The following LRFN5 variants were observed in gnomAD, a reference collection of about 807,000 sequenced individuals.
LRFN5 encodes leucine rich repeat and fibronectin type III domain containing 5.
In LRFN5, 24 loss-of-function variants were observed where a neutral mutation model predicts 45.6. The ratio of observed to expected loss-of-function variants is 0.53; its 90% CI spans 0.38 to 0.74. LRFN5 has a LOEUF of 0.74. Ranked by LOEUF, LRFN5 falls within the 30% of genes least tolerant of loss-of-function variation. LRFN5 has a pLI of 0.00. For missense variants in LRFN5, 776 were observed against 861.5 expected, an observed-to-expected ratio of 0.90 and a Z score of 1.24; for synonymous variants, 340 against 313.8, an observed-to-expected ratio of 1.08 and a Z score of -0.88.
At chr14:41,868,713 C>T (rs567370707) in intron 2 of LRFN5, among the ~76,000 whole-genome samples, 1 of 152,148 alleles carries the variant, frequency 6.6e-6, no homozygotes, top group South Asian at 2.1e-4. Flanking sequence ...CATTACTAGT[C>T]TTAGGACACA....
At chr14:41,741,251 A>G (rs1412186595) in intron 1 of LRFN5, among the ~76,000 whole-genome samples, 2 of 151,780 alleles carry the variant, frequency 1.3e-5, no homozygotes, top group Non-Finnish European at 2.9e-5. Context: ...AGCTGAAGCA[A>G]TTGAGCAAAA....
At chr14:41,762,012 C>CT (rs1288237062) in intron 1 of LRFN5, among the ~76,000 whole-genome samples, 3 of 151,612 alleles carry the variant, frequency 2.0e-5, no homozygotes, top group South Asian at 2.1e-4. Context: ...TTTAGCATCT[C>CT]TTTTTTGTAT....
chr14:41,812,317 A>G (rs1479330596), intron 2 of LRFN5, among the ~76,000 whole-genome samples: 1 of 152,016 alleles, frequency 6.6e-6, no homozygotes, highest in Non-Finnish European at 1.5e-5. Context: ...ATTTTTAACT[A>G]GGAATTTCTA....
chr14:41,739,060 G>A (rs1263614068), intron 1 of LRFN5, among the ~76,000 whole-genome samples: 1 of 152,098 alleles, frequency 6.6e-6, no homozygotes, highest in Admixed American at 6.5e-5. Flanking sequence ...AATATCATCT[G>A]TTGTGACTAA....
chr14:41,879,750 T>C (rs907150967), intron 2 of LRFN5, among the ~76,000 whole-genome samples: 7 of 127,958 alleles, frequency 5.5e-5, no homozygotes, highest in African/African-American at 1.9e-4. Flanking sequence ...TTTTCTTCTA[T>C]TAGTAGTTTG....
rs1454105239 is a variant in LRFN5 at position 41,610,684 on chromosome 14, G to A, written c.-197+2122G>A. Among the ~76,000 whole-genome samples, 97 of 35,458 alleles carry A rather than the reference G, an allele frequency of 2.7e-3. 2 individuals carry two copies. The highest frequency in any genetic ancestry group is 0.013 in the Middle Eastern group (1 of 80). 23.3% of individuals were successfully genotyped at this position (35,458 alleles called of 152,430 possible). A position where few individuals can be genotyped will look rare whatever the true frequency, so the allele number is the denominator to read the frequency against. ...GGTAAAAAAAAAAAAAAAAAAAAAA[G>A]TGTATTGCCTGGATTAAATAATGAA... On this transcript the variant is annotated intron_variant, in intron 1 of 5. Transcript: ENST00000298119.
intron 2 of LRFN5, among the ~76,000 whole-genome samples, chr14:41,839,523 A>G (rs1329465635): frequency 6.6e-6 from 1 of 152,132 alleles, no homozygotes; most frequent in Non-Finnish European, 1.5e-5. Flanking sequence ...GCAACCTGGT[A>G]GCAGCTATCT....
chr14:41,851,347 A>C lies in LRFN5; in HGVS notation c.-20-35259A>C, dbSNP rs148852750. Among the ~76,000 whole-genome samples the C allele has an allele frequency of 6.9e-4, 105 of 151,270 alleles. 1 individual carries two copies. The highest frequency in any genetic ancestry group is 1.8e-3 in the African/African-American group (76 of 41,470). On this transcript the variant is annotated intron_variant, in intron 2 of 5. Transcript: ENST00000298119. ...CTCAGTTTACATGCAAAGCATTTTG[A>C]ATATTATTATTAGAGTAATATTATA... is the stretch of plus-strand genomic sequence containing the variant.
Position 41,821,960 on chromosome 14 carries a change from A to G in LRFN5, c.-21+54931A>G, listed in dbSNP as rs76305375. Among the ~76,000 whole-genome samples the G allele has an allele frequency of 0.04, 6,131 of 152,026 alleles. 727 individuals are homozygous for G. The East Asian group carries it at 0.45, about 11-fold the overall frequency. ...TGTTTGTGCATGTAGAAATGCTCAT[A>G]GCAGTCTCTGATGATCTTTTTTGTT... On this transcript the variant is annotated intron_variant, in intron 2 of 5. Transcript: ENST00000298119.
At chr14:41,770,847 G>A (rs1413260204) in intron 2 of LRFN5, among the ~76,000 whole-genome samples, 1 of 152,022 alleles carries the variant, frequency 6.6e-6, no homozygotes, top group Non-Finnish European at 1.5e-5. Context: ...CTCTGTATGG[G>A]GCCTCCAATT....
In LRFN5 at chr14:41,801,838, G is replaced by A. The variant is rs1401540481; in HGVS notation, c.-21+34809G>A. On this transcript the variant is annotated intron_variant, in intron 2 of 5. Coordinates refer to ENST00000298119, the MANE Select transcript of LRFN5 (RefSeq NM_152447.5). ...GCATGTTTCACCGGGTGGGAGGGACGAGTCTCATCTTACTTGCCAGTTCCT... is the reference window on the plus strand; with the variant it reads ...GCATGTTTCACCGGGTGGGAGGGACAAGTCTCATCTTACTTGCCAGTTCCT... Among the ~76,000 whole-genome samples the A allele has an allele frequency of 2.6e-5, 4 of 152,230 alleles. No homozygotes were observed. In the East Asian group the frequency reaches 7.7e-4, roughly 29 times the overall value.
At chr14:41,620,208 A>T (rs561883060) in intron 1 of LRFN5, among the ~76,000 whole-genome samples, 1 of 152,090 alleles carries the variant, frequency 6.6e-6, no homozygotes, top group Non-Finnish European at 1.5e-5. Flanking sequence ...TTGTTAAAAA[A>T]ATAATTAAAA....
chr14:41,851,125 A>G (rs957333410), intron 2 of LRFN5, among the ~76,000 whole-genome samples: 5 of 151,742 alleles, frequency 3.3e-5, no homozygotes, highest in African/African-American at 9.7e-5. Context: ...GTAGTACACC[A>G]TATTTACTAC....
intron 1 of LRFN5, among the ~76,000 whole-genome samples, chr14:41,718,133 G>C (rs1018536600): frequency 6.6e-6 from 1 of 152,080 alleles, no homozygotes; most frequent in Non-Finnish European, 1.5e-5. Flanking sequence ...AAAATAATTG[G>C]CTATGGTCTT....
intron 2 of LRFN5, among the ~76,000 whole-genome samples, chr14:41,877,580 T>C (rs1465067503): frequency 6.6e-6 from 1 of 152,256 alleles, no homozygotes; most frequent in African/African-American, 2.4e-5. Context: ...AGCTAATTTA[T>C]GTAAATAATG....
intron 1 of LRFN5, among the ~76,000 whole-genome samples, chr14:41,726,658 A>G (rs978940839): frequency 1.3e-5 from 2 of 152,112 alleles, no homozygotes; most frequent in African/African-American, 4.8e-5. Context: ...TTTAATGGCC[A>G]TCACAGAAAT....
At chr14:41,871,497 G>A (rs1890017909) in intron 2 of LRFN5, among the ~76,000 whole-genome samples, 1 of 151,946 alleles carries the variant, frequency 6.6e-6, no homozygotes, top group South Asian at 2.1e-4. Flanking sequence ...TCTGAGTCAG[G>A]ATAATTTCTT....
intron 2 of LRFN5, among the ~76,000 whole-genome samples, chr14:41,876,277 CTTTT>C (rs34291427): frequency 0.053 from 5,276 of 100,490 alleles, 418 homozygotes; most frequent in East Asian, 0.46. Flanking sequence ...CTTTTTCTTT[CTTTT>C]TTTTTTTTTT....
At chr14:41,851,218 C>T (rs1889254103) in intron 2 of LRFN5, among the ~76,000 whole-genome samples, 1 of 151,684 alleles carries the variant, frequency 6.6e-6, no homozygotes, top group Non-Finnish European at 1.5e-5. Context: ...CATCTGAAAA[C>T]ACATGCTATG....
Sources: gnomAD v4.1 joint callset for allele counts (sites outside exome capture counted in the v4.1 genomes callset) on GRCh38, gnomAD v4.1.1 for gene constraint, MANE v1.5 for transcripts, NCBI Gene and HGNC (gene_info 2026-07-23, HGNC 2026-07-21) for gene names.